The following PIK3CD variants were observed in gnomAD, a reference collection of about 807,000 sequenced individuals.
The protein encoded by PIK3CD is phosphatidylinositol-4,5-bisphosphate 3-kinase catalytic subunit delta, also known as phosphatidylinositol 4,5-bisphosphate 3-kinase catalytic subunit delta isoform.
In PIK3CD, 20 loss-of-function variants were observed where a neutral mutation model predicts 122.9. That is an observed-to-expected ratio of 0.16 (90% CI 0.11 to 0.24). The LOEUF (loss-of-function observed/expected upper bound fraction) is 0.24. PIK3CD is among the 10% of genes least tolerant of loss of function. The pLI is 1.00. For synonymous variants in PIK3CD, 596 were observed against 593.4 expected, an observed-to-expected ratio of 1.00 and a Z score of -0.06; for missense variants, 787 against 1,406.3, an observed-to-expected ratio of 0.56 and a Z score of 7.04.
the PIK3CD span, among the ~76,000 whole-genome samples, chr1:9,644,625 A>G: frequency 1.3e-5 from 2 of 152,254 alleles, no homozygotes; most frequent in African/African-American, 4.8e-5. Flanking sequence ...GCCTTCCTCT[A>G]TGCAGTTTCT....
At chr1:9,684,408 G>C (rs923445061) in intron 1 of PIK3CD, among the ~76,000 whole-genome samples, 1 of 151,446 alleles carries the variant, frequency 6.6e-6, no homozygotes, top group Non-Finnish European at 1.5e-5. Context: ...ATGGTGGCAG[G>C]CCCCTGTAAT....
rs750134067 is a variant in PIK3CD, at chr1:9,718,774, G to T, written c.1101G>T (p.Ser367=). 1.9e-6 allele frequency: 3 copies of T among 1,610,990 alleles called. No homozygotes were observed. In the South Asian group the frequency reaches 3.3e-5, roughly 18 times the overall value. ...TVSSSEVSVC[S]EPVWKQRLEF... ...CCAGCTCGGAGGTGAGCGTGTGCTC[G>T]GAGCCCGTGTGGAAGCAGCGGCTGG... Residue 367 remains serine, a synonymous_variant, in exon 9 of 24, where the codon TCG becomes TCT. Transcript: ENST00000377346. This position sits in a 1 kb window ranked among gnomAD's most constrained non-coding sequence, Gnocchi z 7.2.
intron 1 of PIK3CD, among the ~76,000 whole-genome samples, chr1:9,656,082 C>T (rs144853428): frequency 1.3e-4 from 20 of 152,166 alleles, no homozygotes; most frequent in African/African-American, 4.6e-4. Context: ...GCTTCTGTTT[C>T]ACTCATATTG....
chr1:9,678,753 G>A (rs536162136), intron 1 of PIK3CD, among the ~76,000 whole-genome samples: 1 of 152,326 alleles, frequency 6.6e-6, no homozygotes, highest in South Asian at 2.1e-4. Flanking sequence ...CCTATTCAAA[G>A]TCTGTCTTGA....
intron 1 of PIK3CD, among the ~76,000 whole-genome samples, chr1:9,666,225 G>GTTTTTTT (rs1394550198): frequency 4.1e-5 from 4 of 97,406 alleles, no homozygotes; most frequent in African/African-American, 8.3e-5. Flanking sequence ...ACCGCGCCCG[G>GTTTTTTT]TCTTTTTTTT....
the PIK3CD span, among the ~76,000 whole-genome samples, chr1:9,627,966 C>T: frequency 6.6e-5 from 10 of 152,334 alleles, no homozygotes; most frequent in South Asian, 1.7e-3. Context: ...GCACCTCCCG[C>T]AGGAGCCAGG....
intron 1 of PIK3CD, among the ~76,000 whole-genome samples, chr1:9,686,381 T>C (rs1645967297): frequency 6.6e-6 from 1 of 151,722 alleles, no homozygotes; most frequent in Non-Finnish European, 1.5e-5. Flanking sequence ...TTTTTTTTTT[T>C]AGTAGAGACG....
At chr1:9,683,138 A>C in intron 1 of PIK3CD, among the ~76,000 whole-genome samples, 1 of 63,838 alleles carries the variant, frequency 1.6e-5, no homozygotes, top group Non-Finnish European at 4.1e-5. Flanking sequence ...AAAAAAAAAA[A>C]AACCAAAAAA....
chr1:9,648,313 G>A (rs372166094), upstream of PIK3CD, among the ~76,000 whole-genome samples: 8 of 152,264 alleles, frequency 5.3e-5, no homozygotes, highest in East Asian at 1.5e-3. Flanking sequence ...CATTCTCCCG[G>A]CAGCATCTTG....
In PIK3CD at chr1:9,727,497, G is replaced by A. The variant is rs1201431687; in HGVS notation, c.*451G>A. On this transcript the variant is annotated 3_prime_UTR_variant, in exon 24 of 24. Coordinates refer to ENST00000377346, the MANE Select transcript of PIK3CD (RefSeq NM_005026.5). ...GTGTATCCTCCCTAGACTGAGTTCT[G>A]GCAGCTCCCCGAGGCAGCCGGGGTA... 14 of 269,804 alleles carry A rather than the reference G, an allele frequency of 5.2e-5. No homozygotes were observed. In the South Asian group the frequency reaches 7.6e-4, roughly 15 times the overall value. 16.7% of individuals were successfully genotyped at this position (269,804 alleles called of 1,614,324 possible).
At chr1:9,643,113 G>A in the PIK3CD span, among the ~76,000 whole-genome samples, 1 of 135,328 alleles carries the variant, frequency 7.4e-6, no homozygotes, top group African/African-American at 2.8e-5. Flanking sequence ...AGAAAAGAAA[G>A]AGAAAGAAGG....
chr1:9,714,042 G>C (rs1040363018), intron 3 of PIK3CD, among the ~76,000 whole-genome samples: 1 of 151,662 alleles, frequency 6.6e-6, no homozygotes, highest in African/African-American at 2.4e-5. Flanking sequence ...TGTAGAGATG[G>C]AGTCTTATTA....
intron 1 of PIK3CD, chr1:9,653,485 G>A: frequency 3.8e-6 from 1 of 260,232 alleles, no homozygotes; most frequent in Non-Finnish European, 7.6e-6. Flanking sequence ...TCATCTGGGG[G>A]TGCCGTTGCT....
chr1:9,653,932 G>A, intron 1 of PIK3CD: 1 of 1,365,418 alleles, frequency 7.3e-7, no homozygotes, highest in African/African-American at 1.5e-5. Flanking sequence ...GTGGCTGAGA[G>A]CGGTAGCTCA....
intron 1 of PIK3CD, among the ~76,000 whole-genome samples, chr1:9,676,887 G>C (rs1645559127): frequency 6.6e-6 from 1 of 152,192 alleles, no homozygotes; most frequent in Admixed American, 6.5e-5. Flanking sequence ...AGTCTGAACC[G>C]ATCCCAGAGG....
In PIK3CD at chr1:9,652,621, A is replaced by T. The variant is rs997129339; in HGVS notation, c.-138+819A>T. ...TAATTCAGCCTGAATGAGGCTTTTT[A>T]AAAAAATCGAGTTTCCTGTTTTTAT... On this transcript the variant is annotated intron_variant, in intron 1 of 23. Coordinates refer to ENST00000377346, the MANE Select transcript of PIK3CD (RefSeq NM_005026.5). This position sits in a 1 kb window ranked among gnomAD's most constrained non-coding sequence, Gnocchi z 6.2. 32 of 152,350 alleles carry T rather than the reference A, an allele frequency of 2.1e-4. No individual in the cohort carries two copies. The highest frequency in any genetic ancestry group is 3.4e-3 in the Middle Eastern group (1 of 294). 9.4% of individuals were successfully genotyped at this position (152,350 alleles called of 1,614,324 possible). A position where few individuals can be genotyped will look rare whatever the true frequency, so the allele number is the denominator to read the frequency against.
Position 9,722,499 on chromosome 1 carries a change from G to A in PIK3CD, c.2348-29G>A, listed in dbSNP as rs375728582. ...AGCAGAGAACCTACCAGAAACTCAC[G>A]CTTCTCCTCCCACCGGCCGGTGGCA... On this transcript the variant is annotated intron_variant, in intron 18 of 23. Transcript: ENST00000377346. The surrounding 1 kb of genome is among the most constrained non-coding windows in gnomAD (Gnocchi z 7.6). The A allele has an allele frequency of 1.3e-4, 213 of 1,602,556 alleles. 1 individual carries two copies. The African/African-American group carries it at 1.7e-3, about 13-fold the overall frequency.
intron 1 of PIK3CD, among the ~76,000 whole-genome samples, chr1:9,683,586 C>T (rs1391453293): frequency 1.3e-5 from 2 of 152,072 alleles, no homozygotes; most frequent in African/African-American, 2.4e-5. Context: ...TGCACGGCTT[C>T]GGCGTCAGTT....
chr1:9,709,407 G>C (rs1485003085), intron 2 of PIK3CD, among the ~76,000 whole-genome samples: 1 of 151,330 alleles, frequency 6.6e-6, no homozygotes, highest in Non-Finnish European at 1.5e-5. Context: ...TTGGTTTCTA[G>C]TCAGAAAGTT....
Sources: allele counts gnomAD v4.1 joint callset (sites outside exome capture counted in the v4.1 genomes callset), GRCh38; gene constraint gnomAD v4.1.1; non-coding constraint Gnocchi (gnomAD v3.1); transcripts MANE v1.5; gene names NCBI Gene and HGNC (gene_info 2026-07-23, HGNC 2026-07-21).